OPCML: variants seen among roughly 807,000 people sequenced by gnomAD.
OPCML encodes the protein opioid binding protein/cell adhesion molecule like.
OPCML carries 13 observed loss-of-function variants against 37.8 expected under a neutral mutation model. That is an observed-to-expected ratio of 0.34 (90% CI 0.22 to 0.55). The LOEUF (loss-of-function observed/expected upper bound fraction) is 0.55, where lower values mean the gene tolerates loss of function less well. Ranked by LOEUF, OPCML falls within the 20% of genes least tolerant of loss-of-function variation. The probability of loss-of-function intolerance (pLI) is 0.91; values close to 1 mark genes in which losing one functional copy is unlikely to be tolerated. For missense variants in OPCML, 341 were observed against 435.6 expected (o/e 0.78, Z 1.93); for synonymous variants, 176 against 168.8 (o/e 1.04, Z -0.33).
At chr11:133,214,701 C>T (rs75896979) in intron 1 of OPCML, among the ~76,000 whole-genome samples, 76 of 152,286 alleles carry the variant, frequency 5.0e-4, no homozygotes, top group African/African-American at 1.7e-3. Flanking sequence ...TCATCCTCCT[C>T]TCATCATCAG....
chr11:133,450,336 A>G (rs1946556644), intron 1 of OPCML, among the ~76,000 whole-genome samples: 1 of 151,644 alleles, frequency 6.6e-6, no homozygotes, highest in Non-Finnish European at 1.5e-5. Flanking sequence ...CAGATGCTAG[A>G]GTGACTGAAA....
At chr11:132,499,923 G>C (rs567725904) in intron 4 of OPCML, among the ~76,000 whole-genome samples, 1 of 152,310 alleles carries the variant, frequency 6.6e-6, no homozygotes, top group South Asian at 2.1e-4. Context: ...TAGGCATATA[G>C]TACATGAAGA....
intron 1 of OPCML, among the ~76,000 whole-genome samples, chr11:133,499,589 C>T (rs1456585008): frequency 6.6e-6 from 1 of 151,860 alleles, no homozygotes. Flanking sequence ...TAGTTCATCT[C>T]TACCCTGGAG....
Position 132,681,968 on chromosome 11 carries a change from G to T in OPCML, c.147-24649C>A, listed in dbSNP as rs140827360. Among the ~76,000 whole-genome samples, 3 of 150,976 alleles carry T rather than the reference G, an allele frequency of 2.0e-5. No individual in the cohort carries two copies. In the East Asian group the frequency reaches 5.9e-4, roughly 29 times the overall value. The stretch of plus-strand genomic sequence containing the variant: ...AGATTCCGTCTCAAAAAAAAAAAAA[G>T]TCACACTGATGCCCCACTGAGCTGT... On this transcript the variant is annotated intron_variant, in intron 2 of 7. Transcript: ENST00000524381.
intron 2 of OPCML, among the ~76,000 whole-genome samples, chr11:132,891,457 A>G (rs1428465739): frequency 6.6e-6 from 1 of 152,240 alleles, no homozygotes; most frequent in East Asian, 1.9e-4. Flanking sequence ...TAAACAAATT[A>G]GAATATAAAC....
rs1565545590 is a variant in OPCML at position 132,419,389 on chromosome 11, T to C, written c.*804A>G. 1 of 152,236 alleles carries C rather than the reference T, an allele frequency of 6.6e-6. No homozygotes were observed. Among genetic ancestry groups the C allele is most frequent in the Non-Finnish European group, 1.5e-5 (1 of 68,042 alleles). The allele number at this position is 152,236 out of a possible 1,614,324, so 9.4% of individuals were successfully genotyped here. Reference sequence around the variant, plus strand: ...GTAACTGTACCATTACTTTGATAGATAGCTTGACAAAACCTAAATAAATCA... The same window carrying C: ...GTAACTGTACCATTACTTTGATAGACAGCTTGACAAAACCTAAATAAATCA... On this transcript the variant is annotated 3_prime_UTR_variant, in exon 8 of 8. Coordinates refer to ENST00000524381, the MANE Select transcript of OPCML (RefSeq NM_001012393.5).
chr11:133,083,227 G>A (rs953715611), intron 1 of OPCML, among the ~76,000 whole-genome samples: 2 of 152,210 alleles, frequency 1.3e-5, no homozygotes, highest in African/African-American at 4.8e-5. Context: ...TCCCGCGGGT[G>A]CACTGAGCGG....
rs1315451925 is a variant in OPCML, at chr11:132,416,676, G to C, written c.*3517C>G. On this transcript the variant is annotated 3_prime_UTR_variant, in exon 8 of 8. Coordinates refer to ENST00000524381, the MANE Select transcript of OPCML (RefSeq NM_001012393.5). Reference sequence around the variant, plus strand: ...CATGGATGTAAGAAGAAAGAGACTGGGGCCTCTTTGTGACACAACACCTTA... The same window carrying C: ...CATGGATGTAAGAAGAAAGAGACTGCGGCCTCTTTGTGACACAACACCTTA... 6.6e-6 allele frequency: 1 copy of C among 152,116 alleles called. No homozygotes were observed. The highest frequency in any genetic ancestry group is 1.9e-4 in the East Asian group (1 of 5,180). 9.4% of individuals were successfully genotyped at this position (152,116 alleles called of 1,614,324 possible). A position where few individuals can be genotyped will look rare whatever the true frequency, so the allele number is the denominator to read the frequency against.
At chr11:133,439,739 T>C (rs543918684) in intron 1 of OPCML, among the ~76,000 whole-genome samples, 116 of 152,222 alleles carry the variant, frequency 7.6e-4, no homozygotes, top group African/African-American at 2.6e-3. Flanking sequence ...AGTGCTGGGA[T>C]TGCAGGTGTG....
intron 1 of OPCML, among the ~76,000 whole-genome samples, chr11:133,477,402 C>G (rs2137018696): frequency 6.6e-6 from 1 of 152,258 alleles, no homozygotes; most frequent in African/African-American, 2.4e-5. Context: ...AGTTAGCACT[C>G]CCACAGGAAT....
intron 1 of OPCML, among the ~76,000 whole-genome samples, chr11:133,239,547 G>A (rs2136406093): frequency 6.6e-6 from 1 of 152,362 alleles, no homozygotes; most frequent in Admixed American, 6.5e-5. Context: ...CTTCAGGAAT[G>A]TCACAGCACA....
At chr11:132,652,490 G>A (rs1941482808) in intron 3 of OPCML, among the ~76,000 whole-genome samples, 1 of 152,090 alleles carries the variant, frequency 6.6e-6, no homozygotes, top group Non-Finnish European at 1.5e-5. Flanking sequence ...ACACTACTCT[G>A]AAAGTCCTGT....
chr11:132,781,362 C>T (rs541061122), intron 2 of OPCML, among the ~76,000 whole-genome samples: 5 of 152,028 alleles, frequency 3.3e-5, no homozygotes, highest in South Asian at 4.2e-4. Flanking sequence ...CTGCTTGAGC[C>T]GGGACACTGG....
chr11:132,756,822 GCAGAACGTGCAGGTTTGTTA>G (rs1946065567), intron 2 of OPCML, among the ~76,000 whole-genome samples: 1 of 151,974 alleles, frequency 6.6e-6, no homozygotes, highest in Non-Finnish European at 1.5e-5. Context: ...GGATACATGT[GCAGAACGTGCAGGTTTGTTA>G]CATAGGCAAA....
At position 133,230,853 on chromosome 11, in the gene OPCML, C is replaced by T. The variant is rs185990435; in HGVS notation, c.62-287843G>A. On this transcript the variant is annotated intron_variant, in intron 1 of 7. Coordinates refer to ENST00000524381, the MANE Select transcript of OPCML (RefSeq NM_001012393.5). The stretch of plus-strand genomic sequence containing the variant: ...GGCTCTGCAGATCTGGCACTAGTAT[C>T]CCCACTGTTTCTGAAATGTGGACAA... Among the ~76,000 whole-genome samples the T allele has an allele frequency of 1.9e-3, 284 of 152,252 alleles. 2 individuals are homozygous for T. Among genetic ancestry groups the T allele is most frequent in the African/African-American group, 6.5e-3 (272 of 41,538 alleles).
intron 1 of OPCML, among the ~76,000 whole-genome samples, chr11:133,109,858 G>A (rs531833205): frequency 3.9e-5 from 6 of 152,262 alleles, no homozygotes; most frequent in Middle Eastern, 3.4e-3. Context: ...TCATCCAACC[G>A]TCTATTTTGC....
intron 4 of OPCML, among the ~76,000 whole-genome samples, chr11:132,495,030 T>C (rs79255726): frequency 6.8e-6 from 1 of 147,556 alleles, no homozygotes; most frequent in Non-Finnish European, 1.5e-5. Context: ...TTTTTTTTTT[T>C]CCTGGAGTGC....
chr11:132,588,978 C>A (rs1591592978), intron 3 of OPCML, among the ~76,000 whole-genome samples: 1 of 152,162 alleles, frequency 6.6e-6, no homozygotes, highest in Non-Finnish European at 1.5e-5. Context: ...GAGAAATAAA[C>A]CTTCATTATG....
intron 1 of OPCML, among the ~76,000 whole-genome samples, chr11:133,444,669 C>T (rs1946434565): frequency 6.6e-6 from 1 of 152,158 alleles, no homozygotes; most frequent in Non-Finnish European, 1.5e-5. Flanking sequence ...ATAATAAATA[C>T]TAAGTCAAAC....
Sources: gnomAD v4.1 joint callset for allele counts (sites outside exome capture counted in the v4.1 genomes callset) on GRCh38, gnomAD v4.1.1 for gene constraint, MANE v1.5 for transcripts, NCBI Gene and HGNC (gene_info 2026-07-23, HGNC 2026-07-21) for gene names.